The following ZFAND4 variants were observed in gnomAD, a reference collection of about 807,000 sequenced individuals.
ZFAND4 encodes the protein zinc finger AN1-type containing 4.
In ZFAND4, 43 loss-of-function variants were observed where a neutral mutation model predicts 64.4. The observed-to-expected ratio is 0.67, with a 90% confidence interval of 0.52 to 0.86. ZFAND4 has a LOEUF of 0.86. Among genes scored for constraint, ZFAND4 ranks in the 40% least tolerant of loss-of-function variants. The pLI is 0.00. For missense variants in ZFAND4, 929 were observed against 859.8 expected, an observed-to-expected ratio of 1.08 and a Z score of -1.01; for synonymous variants, 296 against 305.7, an observed-to-expected ratio of 0.97 and a Z score of 0.33.
At chr10:45,648,830 T>A in intron 4 of ZFAND4, 1 of 658,876 alleles carries the variant, frequency 1.5e-6, no homozygotes, top group Non-Finnish European at 1.9e-6. Context: ...TTTTTCCCTA[T>A]GTCACTAGAG....
chr10:45,645,106 G>A (rs111793150), intron 5 of ZFAND4, among the ~76,000 whole-genome samples: 9,583 of 151,028 alleles, frequency 0.063, 468 homozygotes, highest in African/African-American at 0.14. Flanking sequence ...CACAGCCTCC[G>A]AAGTAGCTGG....
intron 8 of ZFAND4, among the ~76,000 whole-genome samples, chr10:45,623,443 A>ACACACG (rs2045576752): frequency 6.6e-6 from 1 of 152,158 alleles, no homozygotes; most frequent in Non-Finnish European, 1.5e-5. Flanking sequence ...GTGTGTACAC[A>ACACACG]CACACGCACA....
intron 6 of ZFAND4, among the ~76,000 whole-genome samples, chr10:45,629,010 T>C (rs534664054): frequency 6.6e-6 from 1 of 151,000 alleles, no homozygotes; most frequent in African/African-American, 2.4e-5. Context: ...ATGAAGATAC[T>C]AAAAATAGAT....
At chr10:45,652,220 A>G (rs1387043075) in intron 3 of ZFAND4, among the ~76,000 whole-genome samples, 187 bp from the exon 4 acceptor site, 9 of 152,210 alleles carry the variant, frequency 5.9e-5, no homozygotes, top group Admixed American at 4.6e-4. Flanking sequence ...GGTGAAACAA[A>G]TTCTCATAAG....
chr10:45,671,048 A>G (rs903738004), intron 1 of ZFAND4, among the ~76,000 whole-genome samples: 1 of 152,226 alleles, frequency 6.6e-6, no homozygotes. Flanking sequence ...TCAAAAGAAG[A>G]TATTTATGCA....
intron 6 of ZFAND4, among the ~76,000 whole-genome samples, chr10:45,633,676 A>G (rs1200711626): frequency 1.3e-5 from 2 of 152,074 alleles, no homozygotes; most frequent in Non-Finnish European, 2.9e-5. Flanking sequence ...AAAAGAAACT[A>G]CTACAAATTA....
intron 5 of ZFAND4, among the ~76,000 whole-genome samples, chr10:45,645,217 C>T (rs2047297563): frequency 1.3e-5 from 2 of 152,098 alleles, no homozygotes; most frequent in Non-Finnish European, 2.9e-5. Context: ...AAGAGATTCG[C>T]CCACCTTCCA....
Position 45,626,280 on chromosome 10 carries a change from T to G in ZFAND4, c.1543A>C (p.Ile515Leu). The G allele has an allele frequency of 6.2e-7, 1 of 1,614,212 alleles. No individual in the cohort carries two copies. Among genetic ancestry groups the G allele is most frequent in the African/African-American group, 1.3e-5 (1 of 75,058 alleles). ...SSSQSLDVQNITDSSFSRTTC... is the reference protein window; with the variant it reads ...SSSQSLDVQNLTDSSFSRTTC... ...GTCCTAGAGAAAGAAGAATCAGTTA[T>G]GTTTTGAACATCCAGTGACTGAGAA... Residue 515 changes from isoleucine (I) to leucine (L), a missense_variant, in exon 7 of 10, where the codon ATA (isoleucine) becomes CTA (leucine). Transcript: ENST00000344646.
chr10:45,653,177 A>T lies in ZFAND4; in HGVS notation c.185-118T>A, dbSNP rs2047874826. The stretch of plus-strand genomic sequence containing the variant: ...GCACTAAAAAATTAAACATTCTTCT[A>T]AATTGAATGCTAGGTGCTAAAATTT... On this transcript the variant is annotated intron_variant, in intron 2 of 9. Transcript: ENST00000344646. The T allele has an allele frequency of 5.5e-6, 4 of 733,504 alleles. No homozygotes were observed. In the South Asian group the frequency reaches 7.7e-5, roughly 14 times the overall value. The allele number at this position is 733,504 out of a possible 1,614,324, so 45.4% of individuals were successfully genotyped here.
At chr10:45,642,299 C>CATAT (rs71023140) in intron 5 of ZFAND4, among the ~76,000 whole-genome samples, 18 of 150,648 alleles carry the variant, frequency 1.2e-4, no homozygotes, top group Admixed American at 2.7e-4. Context: ...TACATACACA[C>CATAT]ATATATATAT....
intron 6 of ZFAND4, among the ~76,000 whole-genome samples, chr10:45,634,155 A>C (rs2046398463): frequency 1.3e-5 from 2 of 152,224 alleles, no homozygotes; most frequent in Admixed American, 6.5e-5. Context: ...AGATCAGCTA[A>C]AGAAAAATCC....
At chr10:45,661,151 C>T (rs1234617956) in intron 2 of ZFAND4, among the ~76,000 whole-genome samples, 1 of 152,100 alleles carries the variant, frequency 6.6e-6, no homozygotes, top group East Asian at 1.9e-4. Flanking sequence ...CTGCTAAGCA[C>T]TTCACCTTTA....
At chr10:45,639,448 T>C (rs185817830) in intron 6 of ZFAND4, among the ~76,000 whole-genome samples, 46 of 152,296 alleles carry the variant, frequency 3.0e-4, no homozygotes, top group Admixed American at 1.7e-3. Context: ...GAATGTAAAT[T>C]GGTTCAATCA....
rs189822742 is a variant in ZFAND4 at position 45,636,377 on chromosome 10, T to C, written c.717+3439A>G. On this transcript the variant is annotated intron_variant, in intron 6 of 9. Coordinates refer to ENST00000344646, the MANE Select transcript of ZFAND4 (RefSeq NM_174890.4). Reference sequence around the variant, plus strand: ...TGGTCTAGGCGCAGTGACTCATACCTGTAATCCCAGCACTTTGGGAGGCCA... The same window carrying C: ...TGGTCTAGGCGCAGTGACTCATACCCGTAATCCCAGCACTTTGGGAGGCCA... Among the ~76,000 whole-genome samples the C allele has an allele frequency of 3.3e-5, 5 of 152,340 alleles. No homozygotes were observed. In the East Asian group the frequency reaches 7.7e-4, roughly 24 times the overall value.
At chr10:45,643,539 G>A (rs1005696420) in intron 5 of ZFAND4, among the ~76,000 whole-genome samples, 24 of 151,540 alleles carry the variant, frequency 1.6e-4, no homozygotes, top group African/African-American at 5.8e-4. Context: ...GCATGGTGGC[G>A]GGCGCCTGTA....
intron 1 of ZFAND4, among the ~76,000 whole-genome samples, chr10:45,666,741 T>C (rs762709277): frequency 6.6e-6 from 1 of 152,216 alleles, no homozygotes; most frequent in Non-Finnish European, 1.5e-5. Context: ...GGATAACCAG[T>C]TGTTCCAGTA....
intron 5 of ZFAND4, among the ~76,000 whole-genome samples, chr10:45,642,693 TC>T (rs948428201): frequency 5.3e-5 from 8 of 151,612 alleles, no homozygotes; most frequent in Non-Finnish European, 1.0e-4. Context: ...CCTTTTTTTT[TC>T]AAAGAACCAC....
Position 45,639,878 on chromosome 10 carries a change from T to C in ZFAND4, c.655A>G (p.Ile219Val), listed in dbSNP as rs752410234. 1.2e-6 allele frequency: 2 copies of C among 1,613,690 alleles called. No homozygotes were observed. The highest frequency in any genetic ancestry group is 4.5e-5 in the East Asian group (2 of 44,840). ...SSGQQIIENS[I>V]TMNKMKLLKA... ...AGCAGCTTCATCTTATTCATAGTTA[T>C]TGAATTTTCAATTATCTGTTGCCCA... The change falls in exon 6 of 10, where the codon ATA becomes GTA. Residue 219 changes from isoleucine (I) to valine (V), a missense_variant. By Grantham distance (29) the Ile-to-Val change is conservative (BLOSUM62 3). Coordinates refer to ENST00000344646, the MANE Select transcript of ZFAND4 (RefSeq NM_174890.4).
In ZFAND4 at chr10:45,672,527, G is replaced by T. The variant is rs1356671398; in HGVS notation, c.-395C>A. The T allele has an allele frequency of 6.6e-6, 1 of 152,236 alleles. No individual in the cohort carries two copies. The highest frequency in any genetic ancestry group is 1.5e-5 in the Non-Finnish European group (1 of 68,114). 9.4% of individuals were successfully genotyped at this position (152,236 alleles called of 1,614,324 possible). A position where few individuals can be genotyped will look rare whatever the true frequency, so the allele number is the denominator to read the frequency against. On this transcript the variant is annotated 5_prime_UTR_variant, in exon 1 of 10. Transcript: ENST00000344646. The stretch of plus-strand genomic sequence containing the variant: ...GCCGCAAGGCGAGGGGCGGGGACAG[G>T]ACTCTACCCGGCAGCCCAGCGCCGA...
Sources: gnomAD v4.1 joint callset for allele counts (sites outside exome capture counted in the v4.1 genomes callset) on GRCh38, gnomAD v4.1.1 for gene constraint, MANE v1.5 for transcripts, NCBI Gene and HGNC (gene_info 2026-07-23, HGNC 2026-07-21) for gene names.